MACROD2: variants seen among roughly 807,000 people sequenced by gnomAD.
The protein encoded by MACROD2 is ADP-ribose glycohydrolase MACROD2.
Under a neutral mutation model 70.4 loss-of-function variants are expected in MACROD2, and 36 were observed. The ratio of observed to expected loss-of-function variants is 0.51; its 90% CI spans 0.39 to 0.68. The LOEUF (loss-of-function observed/expected upper bound fraction) is 0.68, where lower values mean the gene tolerates loss of function less well. MACROD2 is among the 30% of genes least tolerant of loss of function. The probability of loss-of-function intolerance (pLI) is 0.00; values close to 1 mark genes in which losing one functional copy is unlikely to be tolerated. For synonymous variants in MACROD2, 172 were observed against 178.8 expected (o/e 0.96, Z 0.30); for missense variants, 496 against 538.4 (o/e 0.92, Z 0.78).
chr20:15,219,368 C>A (rs187132108), intron 5 of MACROD2, among the ~76,000 whole-genome samples: 262 of 152,236 alleles, frequency 1.7e-3, no homozygotes, highest in South Asian at 0.017. Flanking sequence ...ATGTAAGCCA[C>A]CCTGCTCCTA....
At chr20:15,499,633 A>G (rs1252403428) in intron 7 of MACROD2, 141 bp from the exon 8 acceptor site, 2 of 683,186 alleles carry the variant, frequency 2.9e-6, no homozygotes, top group African/African-American at 1.8e-5. Context: ...CTTCATATCC[A>G]TGTACATCTT....
At chr20:14,616,032 C>G (rs370271858) in intron 4 of MACROD2, among the ~76,000 whole-genome samples, 21 of 152,162 alleles carry the variant, frequency 1.4e-4, no homozygotes, top group Middle Eastern at 3.4e-3. Flanking sequence ...CCATTATCCG[C>G]AAAGGAAGAG....
At chr20:15,630,865 C>A (rs1323464066) in intron 8 of MACROD2, among the ~76,000 whole-genome samples, 1 of 152,080 alleles carries the variant, frequency 6.6e-6, no homozygotes, top group African/African-American at 2.4e-5. Context: ...GTTGGAAGAT[C>A]CAAACTGGGA....
intron 3 of MACROD2, among the ~76,000 whole-genome samples, chr20:14,474,444 T>C (rs2084566273): frequency 6.6e-6 from 1 of 152,202 alleles, no homozygotes; most frequent in South Asian, 2.1e-4. Flanking sequence ...GAATGTATAT[T>C]CTACAGATGT....
intron 3 of MACROD2, among the ~76,000 whole-genome samples, chr20:14,284,499 G>A (rs915696069): frequency 4.6e-5 from 7 of 152,154 alleles, no homozygotes; most frequent in African/African-American, 1.7e-4. Flanking sequence ...TCAGCATGTG[G>A]ATTTTAAATA....
intron 8 of MACROD2, among the ~76,000 whole-genome samples, chr20:15,815,859 T>G (rs2063868300): frequency 6.6e-6 from 1 of 152,168 alleles, no homozygotes; most frequent in African/African-American, 2.4e-5. Context: ...TTTTTTTCCA[T>G]GATGTTGATT....
intron 8 of MACROD2, among the ~76,000 whole-genome samples, chr20:15,530,225 G>A (rs766922942): frequency 5.9e-5 from 9 of 152,098 alleles, no homozygotes; most frequent in Non-Finnish European, 1.0e-4. Flanking sequence ...CATCCCAAGA[G>A]GACAGTTGAG....
At chr20:15,833,107 A>C (rs1233404612) in intron 8 of MACROD2, among the ~76,000 whole-genome samples, 1 of 152,228 alleles carries the variant, frequency 6.6e-6, no homozygotes, top group Non-Finnish European at 1.5e-5. Context: ...GGCATTCTAC[A>C]GTAATCCAAA....
intron 2 of MACROD2, among the ~76,000 whole-genome samples, chr20:14,040,114 C>T (rs2053371977): frequency 6.6e-6 from 1 of 152,000 alleles, no homozygotes; most frequent in Non-Finnish European, 1.5e-5. Flanking sequence ...TTGCCAACAA[C>T]AGGGATATAT....
At chr20:14,393,064 A>G (rs1262127943) in intron 3 of MACROD2, among the ~76,000 whole-genome samples, 1 of 152,242 alleles carries the variant, frequency 6.6e-6, no homozygotes, top group Non-Finnish European at 1.5e-5. Context: ...TATCCTCCCA[A>G]CAGTAAGCTT....
At chr20:14,529,035 C>G (rs2085271594) in intron 4 of MACROD2, among the ~76,000 whole-genome samples, 1 of 152,088 alleles carries the variant, frequency 6.6e-6, no homozygotes, top group African/African-American at 2.4e-5. Context: ...TGAGTTCATT[C>G]ACTTCTCATA....
intron 5 of MACROD2, among the ~76,000 whole-genome samples, chr20:14,937,459 A>G (rs2074350359): frequency 6.6e-6 from 1 of 152,130 alleles, no homozygotes; most frequent in Non-Finnish European, 1.5e-5. Context: ...CATCTTTTAC[A>G]TTATCAAAAC....
intron 5 of MACROD2, among the ~76,000 whole-genome samples, chr20:14,781,679 A>T (rs2072302992): frequency 6.6e-6 from 1 of 151,728 alleles, no homozygotes; most frequent in African/African-American, 2.4e-5. Context: ...CATGTAAGAA[A>T]ATGATGGTAA....
chr20:15,469,192 C>T (rs902805011), intron 7 of MACROD2, among the ~76,000 whole-genome samples: 13 of 152,168 alleles, frequency 8.5e-5, no homozygotes, highest in Non-Finnish European at 1.6e-4. Flanking sequence ...TTACTGCTGG[C>T]TAGGAAATGT....
chr20:14,383,067 G>A (rs1282604784), intron 3 of MACROD2, among the ~76,000 whole-genome samples: 1 of 152,118 alleles, frequency 6.6e-6, no homozygotes, highest in African/African-American at 2.4e-5. Flanking sequence ...AAATTGATGC[G>A]TTCTTCAAGA....
At chr20:15,882,847 C>A (rs1258364147) in intron 9 of MACROD2, among the ~76,000 whole-genome samples, 3 of 151,956 alleles carry the variant, frequency 2.0e-5, no homozygotes. Context: ...CTGGGGATGA[C>A]GTTATCAGGA....
chr20:15,449,114 A>G (rs1416070141), intron 7 of MACROD2, among the ~76,000 whole-genome samples: 1 of 152,102 alleles, frequency 6.6e-6, no homozygotes, highest in Non-Finnish European at 1.5e-5. Flanking sequence ...TCACCAGAAA[A>G]CTGGGGACCA....
rs971683659 is a variant in MACROD2 at position 15,678,424 on chromosome 20, ATC to A, written c.645+178580_645+178581del. ...GCCCAGGCTGGAGTGCAGTGGCATG[ATC>A]TCGGCTCACTGCAAGCTCTGCCTCC... On this transcript the variant is annotated intron_variant, in intron 8 of 17. Transcript: ENST00000684519. 7.9e-5 allele frequency among the ~76,000 whole-genome samples: 12 copies of A among 151,144 alleles called. No homozygotes were observed. The South Asian group carries it at 8.4e-4, about 11-fold the overall frequency.
chr20:14,356,540 T>C (rs1305896228), intron 3 of MACROD2, among the ~76,000 whole-genome samples: 3 of 141,382 alleles, frequency 2.1e-5, no homozygotes, highest in African/African-American at 5.2e-5. Flanking sequence ...AGTCTTGCTC[T>C]GTCACCCAGG....
Sources: allele counts gnomAD v4.1 joint callset (sites outside exome capture counted in the v4.1 genomes callset), GRCh38; gene constraint gnomAD v4.1.1; transcripts MANE v1.5; gene names NCBI Gene and HGNC (gene_info 2026-07-23, HGNC 2026-07-21).